HTT: variants seen among roughly 807,000 people sequenced by gnomAD.
HTT encodes huntingtin.
A neutral mutation model predicts 362.3 loss-of-function variants in HTT; 104 were observed. The ratio of observed to expected loss-of-function variants is 0.29; its 90% CI spans 0.24 to 0.34. The LOEUF (loss-of-function observed/expected upper bound fraction) is 0.34, where lower values mean the gene tolerates loss of function less well. HTT is among the 10% of genes least tolerant of loss of function. The pLI, the probability that HTT is intolerant of heterozygous loss-of-function variation, is 1.00. For synonymous variants in HTT, 1,577 were observed against 1,548.7 expected, an observed-to-expected ratio of 1.02 and a Z score of -0.43; for missense variants, 3,301 against 3,928.6, an observed-to-expected ratio of 0.84 and a Z score of 4.27.
chr4:3,138,271 A>G (rs1221752149), intron 21 of HTT, among the ~76,000 whole-genome samples: 1 of 151,906 alleles, frequency 6.6e-6, no homozygotes, highest in Non-Finnish European at 1.5e-5. Flanking sequence ...TTTGGGGTAC[A>G]AGTGGTTTTT....
chr4:3,133,316 C>G (rs1462520109), intron 18 of HTT, among the ~76,000 whole-genome samples: 1 of 136,580 alleles, frequency 7.3e-6, no homozygotes, highest in Non-Finnish European at 1.6e-5. Flanking sequence ...CCTGTCCCTA[C>G]AGAAAATTAA....
chr4:3,240,113 G>A lies in HTT; in HGVS notation c.*54G>A. On this transcript the variant is annotated 3_prime_UTR_variant, in exon 67 of 67. Transcript: ENST00000355072. ...GCAGCTGGGGCCGGAGCCTTTGGAA[G>A]TCTGCGCCCTTGTGCCCTGCCTCCA... 1 of 1,456,240 alleles carries A rather than the reference G, an allele frequency of 6.9e-7. No homozygotes were observed. The highest frequency in any genetic ancestry group is 1.2e-5 in the South Asian group (1 of 81,726). The allele number at this position is 1,456,240 out of a possible 1,614,324, so 90.2% of individuals were successfully genotyped here.
chr4:3,241,556 G>A lies in HTT; in HGVS notation c.*1497G>A, dbSNP rs2110310607. On this transcript the variant is annotated 3_prime_UTR_variant, in exon 67 of 67. Transcript: ENST00000355072. ...CCCTAGAGGCGAGCCAGGCAAGGTT[G>A]GCGACTGTCATGTGGCTTGGTTTGG... 6.6e-6 allele frequency: 1 copy of A among 152,434 alleles called. No individual in the cohort carries two copies. Among genetic ancestry groups the A allele is most frequent in the African/African-American group, 2.4e-5 (1 of 41,590 alleles). The allele number at this position is 152,434 out of a possible 1,614,324, so 9.4% of individuals were successfully genotyped here. A position where few individuals can be genotyped will look rare whatever the true frequency, so the allele number is the denominator to read the frequency against.
At chr4:3,120,258 A>G (rs1289520629) in intron 8 of HTT, among the ~76,000 whole-genome samples, 1 of 152,238 alleles carries the variant, frequency 6.6e-6, no homozygotes, top group South Asian at 2.1e-4. Context: ...GAGTAATTTT[A>G]TGGTGTAAGT....
intron 20 of HTT, 24 bp from the exon 21 acceptor site, chr4:3,136,202 T>G (rs1220008617): frequency 1.3e-6 from 2 of 1,482,648 alleles, no homozygotes; most frequent in African/African-American, 2.8e-5. Flanking sequence ...ATTATGTTTA[T>G]TTTTATTATC....
At position 3,075,085 on chromosome 4, in the gene HTT, G is replaced by A; in HGVS notation, c.260G>A (p.Arg87Gln). Residue 87 changes from arginine to glutamine, a missense_variant, in exon 1 of 67, where the codon CGA becomes CAA. Physicochemically the swap from Arg to Gln is conservative, Grantham distance 43 (BLOSUM62 1). Around this residue, in one of 4 missense-constraint regions of HTT, gnomAD observed 2,316 missense variants for 2,658.5 expected, o/e 0.87. Transcript: ENST00000355072. The stretch of plus-strand genomic sequence containing the variant: ...GCTGTGGCTGAGGAGCCGCTGCACC[G>A]ACCGTGAGTTTGGGCCCGCTGCAGC... ...GPAVAEEPLH[R>Q]PKKELSATKK... The A allele has an allele frequency of 1.6e-6, 2 of 1,234,570 alleles. No individual in the cohort carries two copies. Among genetic ancestry groups the A allele is most frequent in the Non-Finnish European group, 2.0e-6 (2 of 992,640 alleles). 76.5% of individuals were successfully genotyped at this position (1,234,570 alleles called of 1,614,324 possible).
At chr4:3,165,405 C>T (rs764230213) in intron 29 of HTT, among the ~76,000 whole-genome samples, 28 of 151,990 alleles carry the variant, frequency 1.8e-4, no homozygotes, top group Non-Finnish European at 3.7e-4. Flanking sequence ...TTGCTCTTCT[C>T]GAGGAGTATC....
In HTT at chr4:3,122,862, TTATC is replaced by T. The variant is rs775500634; in HGVS notation, c.1274-25_1274-22del. On this transcript the variant is annotated intron_variant, in intron 9 of 66. Transcript: ENST00000355072. ...TTCTAGATTTTATCAGCTTGTTACTTTATCTGTCACTTTCTGTGATTTGCAGCTG... is the reference window on the plus strand; with the variant it reads ...TTCTAGATTTTATCAGCTTGTTACTTTGTCACTTTCTGTGATTTGCAGCTG... The T allele has an allele frequency of 1.3e-5, 21 of 1,581,952 alleles. No homozygotes were observed. In the African/African-American group the frequency reaches 2.3e-4, roughly 17 times the overall value.
intron 18 of HTT, 30 bp downstream of exon 18, chr4:3,132,941 T>C (rs574186439): frequency 1.4e-6 from 2 of 1,450,760 alleles, no homozygotes; most frequent in South Asian, 1.1e-5. Flanking sequence ...GAACCATTTC[T>C]TCACTTAGTG....
At chr4:3,224,833 G>T (rs1167331776) in intron 56 of HTT, among the ~76,000 whole-genome samples, 2 of 152,208 alleles carry the variant, frequency 1.3e-5, no homozygotes, top group Non-Finnish European at 2.9e-5. Flanking sequence ...GTTTATTAGG[G>T]CGTTGAAGTA....
rs1721518694 is a variant in HTT, at chr4:3,236,136, AC to A, written c.8786-12del. 1 of 1,601,110 alleles carries A rather than the reference AC, an allele frequency of 6.2e-7. No homozygotes were observed. The highest frequency in any genetic ancestry group is 1.3e-5 in the African/African-American group (1 of 74,636). On this transcript the variant is annotated splice_polypyrimidine_tract_variant and intron_variant, in intron 63 of 66. Coordinates refer to ENST00000355072, the MANE Select transcript of HTT (RefSeq NM_001388492.1). ...TATAGAGGTAACCTTCGTACTGAAC[AC>A]TTTTGTTACAGGAAAGGAGAAAGTC...
chr4:3,230,096 G>C (rs1560604769), intron 60 of HTT, 54 bp downstream of exon 60: 3 of 1,512,498 alleles, frequency 2.0e-6, no homozygotes. Flanking sequence ...GGGCCCATCT[G>C]CCTTGGGACC....
rs1433393735 is a variant in HTT at position 3,105,356 on chromosome 4, G to A, written c.529-1G>A. 1 of 1,612,158 alleles carries A rather than the reference G, an allele frequency of 6.2e-7. No individual in the cohort carries two copies. ...ATGCAACCCTCATTGCACCCCCTCAGAATGGTGCCCCTCGGAGTTTGCGTG... is the reference window on the plus strand; with the variant it reads ...ATGCAACCCTCATTGCACCCCCTCAAAATGGTGCCCCTCGGAGTTTGCGTG... On this transcript the variant is annotated splice_acceptor_variant, in intron 4 of 66. Coordinates refer to ENST00000355072, the MANE Select transcript of HTT (RefSeq NM_001388492.1). LOFTEE classifies it high-confidence loss of function.
intron 25 of HTT, among the ~76,000 whole-genome samples, chr4:3,147,453 G>C (rs1280877742): frequency 6.6e-6 from 1 of 152,188 alleles, no homozygotes; most frequent in East Asian, 1.9e-4. Flanking sequence ...CAGCAAGGAA[G>C]ACGGAGTCCA....
chr4:3,082,947 A>G lies in HTT; in HGVS notation c.264-3992A>G, dbSNP rs1019614529. 2.2e-4 allele frequency among the ~76,000 whole-genome samples: 33 copies of G among 152,302 alleles called. 1 individual carries two copies. Among genetic ancestry groups the G allele is most frequent in the African/African-American group, 6.0e-4 (25 of 41,564 alleles). On this transcript the variant is annotated intron_variant, in intron 1 of 66. Transcript: ENST00000355072. ...CGAATGAGGGGAGAGACAATGTGCA[A>G]TTTTATTTAGGGCACAAAGGAGAGC...
At position 3,074,888 on chromosome 4, in the gene HTT, G is replaced by GCAGCAGCAGCAA; in HGVS notation, c.74_75insACAGCAGCAGCA (p.Gln35_Gln38dup). On this transcript the variant is annotated inframe_insertion, in exon 1 of 67. Coordinates refer to ENST00000355072, the MANE Select transcript of HTT (RefSeq NM_001388492.1). ...CCCTCAAGTCCTTCCAGCAGCAGCA[G>GCAGCAGCAGCAA]CAGCAGCAGCAGCAGCAGCAGCAGC... The GCAGCAGCAGCAA allele has an allele frequency of 7.9e-7, 1 of 1,259,884 alleles. No homozygotes were observed. Among genetic ancestry groups the GCAGCAGCAGCAA allele is most frequent in the Non-Finnish European group, 1.0e-6 (1 of 958,464 alleles). 78.0% of individuals were successfully genotyped at this position (1,259,884 alleles called of 1,614,324 possible).
intron 3 of HTT, 57 bp from the exon 4 acceptor site, chr4:3,103,767 C>T (rs1047539248): frequency 1.8e-5 from 19 of 1,070,296 alleles, no homozygotes; most frequent in Admixed American, 1.3e-4. Flanking sequence ...CCTTTTAGCT[C>T]GTTTTAGAAC....
intron 56 of HTT, among the ~76,000 whole-genome samples, chr4:3,224,732 T>C (rs1484173150): frequency 2.6e-5 from 4 of 152,242 alleles, no homozygotes; most frequent in Non-Finnish European, 5.9e-5. Flanking sequence ...TCCGTAGCTA[T>C]TTAGGAGTTT....
At chr4:3,155,876 C>T (rs1301433585) in intron 27 of HTT, among the ~76,000 whole-genome samples, 2 of 139,720 alleles carry the variant, frequency 1.4e-5, no homozygotes, top group African/African-American at 5.4e-5. Context: ...CTAGCCTGGG[C>T]GATAGAGCGA....
Sources: allele counts gnomAD v4.1 joint callset (sites outside exome capture counted in the v4.1 genomes callset), GRCh38; gene constraint gnomAD v4.1.1; regional missense constraint gnomAD v4.1.1; transcripts MANE v1.5; gene names NCBI Gene and HGNC (gene_info 2026-07-23, HGNC 2026-07-21).